The following SCAPER variants were observed in gnomAD, a reference collection of about 807,000 sequenced individuals.
SCAPER encodes the protein S phase cyclin A-associated protein in the endoplasmic reticulum.
SCAPER carries 98 observed loss-of-function variants against 182.2 expected under a neutral mutation model. The observed-to-expected ratio is 0.54, with a 90% CI of 0.46 to 0.64. The LOEUF (loss-of-function observed/expected upper bound fraction) is 0.64. Among genes scored for constraint, SCAPER ranks in the 30% least tolerant of loss-of-function variants. The pLI, the probability that SCAPER is intolerant of heterozygous loss-of-function variation, is 0.00. For missense variants in SCAPER, 1,432 were observed against 1,690.0 expected, an observed-to-expected ratio of 0.85 and a Z score of 2.68; for synonymous variants, 605 against 564.6, an observed-to-expected ratio of 1.07 and a Z score of -1.01.
chr15:76,467,103 G>C (rs157778), intron 25 of SCAPER, among the ~76,000 whole-genome samples: 18,529 of 152,080 alleles, frequency 0.12, 1,540 homozygotes, highest in African/African-American at 0.24. Context: ...AAATGTACCT[G>C]CTTCCCCTTT....
intron 15 of SCAPER, among the ~76,000 whole-genome samples, chr15:76,740,867 TA>T (rs2061504627): frequency 6.6e-6 from 1 of 152,026 alleles, no homozygotes; most frequent in Non-Finnish European, 1.5e-5. Flanking sequence ...AAGAGAAAAA[TA>T]ATAAAACTAT....
chr15:76,626,666 A>C (rs893679056), intron 21 of SCAPER, among the ~76,000 whole-genome samples: 16 of 152,224 alleles, frequency 1.1e-4, no homozygotes, highest in Admixed American at 3.9e-4. Flanking sequence ...GCAATAAGCC[A>C]AGATTACACC....
rs140421954 is a variant in SCAPER at position 76,785,285 on chromosome 15, T to C, written c.772+9995A>G. On this transcript the variant is annotated intron_variant, in intron 8 of 31. Transcript: ENST00000563290. Reference sequence around the variant, plus strand: ...CAACAGGCACATGAAGAAATGCTCATCATCACTGATCATCAGAGAAATGCA... The same window carrying C: ...CAACAGGCACATGAAGAAATGCTCACCATCACTGATCATCAGAGAAATGCA... Among the ~76,000 whole-genome samples, 606 of 152,294 alleles carry C rather than the reference T, an allele frequency of 4.0e-3. 5 individuals are homozygous for C. Among genetic ancestry groups the C allele is most frequent in the African/African-American group, 0.012 (517 of 41,568 alleles).
chr15:76,366,884 C>T (rs1158316619), intron 29 of SCAPER, among the ~76,000 whole-genome samples: 1 of 152,226 alleles, frequency 6.6e-6, no homozygotes, highest in Non-Finnish European at 1.5e-5. Context: ...CAGACTGATA[C>T]TCCAAAGTCC....
chr15:76,713,039 A>G (rs560037360), intron 17 of SCAPER, among the ~76,000 whole-genome samples: 29 of 152,190 alleles, frequency 1.9e-4, no homozygotes, highest in African/African-American at 6.7e-4. Flanking sequence ...GAATGCTTCC[A>G]GTTTTTGCCC....
chr15:76,371,479 TC>T (rs1023895065), intron 29 of SCAPER, among the ~76,000 whole-genome samples: 25 of 151,586 alleles, frequency 1.6e-4, no homozygotes, highest in African/African-American at 6.1e-4. Flanking sequence ...GCCACCACGC[TC>T]GGCTAATTTT....
At chr15:76,603,266 A>C (rs1416908544) in intron 22 of SCAPER, among the ~76,000 whole-genome samples, 1 of 118,344 alleles carries the variant, frequency 8.4e-6, no homozygotes, top group African/African-American at 2.6e-5. Context: ...ATTCCCACCT[A>C]TGAGCGAGAA....
intron 2 of SCAPER, among the ~76,000 whole-genome samples, chr15:76,875,357 T>C (rs1043890752): frequency 3.9e-5 from 6 of 152,204 alleles, no homozygotes; most frequent in African/African-American, 1.4e-4. Context: ...CACACAAACG[T>C]AGGCCAGGCG....
intron 3 of SCAPER, among the ~76,000 whole-genome samples, chr15:76,858,829 C>A (rs2071628326): frequency 6.6e-6 from 1 of 152,120 alleles, no homozygotes. Context: ...ACGTAGTAGT[C>A]CATGGTGTAT....
chr15:76,429,788 G>A (rs1038517028), intron 26 of SCAPER, among the ~76,000 whole-genome samples: 3 of 152,180 alleles, frequency 2.0e-5, no homozygotes, highest in Admixed American at 1.3e-4. Flanking sequence ...ATTTTCTGAG[G>A]AGATATTCAA....
chr15:76,508,544 C>T (rs2143937694), intron 23 of SCAPER, among the ~76,000 whole-genome samples: 1 of 152,314 alleles, frequency 6.6e-6, no homozygotes, highest in East Asian at 1.9e-4. Flanking sequence ...AGTTATTCCA[C>T]ATTCTCACTC....
chr15:76,698,345 C>G (rs1010131414), intron 20 of SCAPER, among the ~76,000 whole-genome samples: 9 of 152,116 alleles, frequency 5.9e-5, no homozygotes, highest in African/African-American at 2.2e-4. Context: ...AACTATATGT[C>G]AAGCATTATA....
chr15:76,716,612 T>A (rs1487253604), intron 17 of SCAPER, among the ~76,000 whole-genome samples: 1 of 151,696 alleles, frequency 6.6e-6, no homozygotes, highest in Admixed American at 6.6e-5. Context: ...AAAGGAGATA[T>A]CATTTAAAAA....
chr15:76,867,749 A>AT (rs2072401185), intron 2 of SCAPER, among the ~76,000 whole-genome samples: 3 of 152,192 alleles, frequency 2.0e-5, no homozygotes, highest in African/African-American at 7.2e-5. Flanking sequence ...AATTACTAAT[A>AT]CTGTATCAGC....
chr15:76,415,698 C>T (rs1436704980), intron 26 of SCAPER, among the ~76,000 whole-genome samples: 3 of 152,008 alleles, frequency 2.0e-5, no homozygotes, highest in East Asian at 1.9e-4. Flanking sequence ...GATAGATACA[C>T]ACACATACAC....
chr15:76,416,743 A>T (rs2142281723), intron 26 of SCAPER, among the ~76,000 whole-genome samples: 1 of 152,372 alleles, frequency 6.6e-6, no homozygotes, highest in East Asian at 1.9e-4. Context: ...AGAAGAGCAT[A>T]CAAAGATGTT....
chr15:76,428,094 A>C (rs1297920027), intron 26 of SCAPER, among the ~76,000 whole-genome samples: 1 of 152,074 alleles, frequency 6.6e-6, no homozygotes, highest in Non-Finnish European at 1.5e-5. Context: ...TGTCTCAAAA[A>C]ACAAAACAAA....
intron 5 of SCAPER, among the ~76,000 whole-genome samples, chr15:76,840,094 T>A (rs943196404): frequency 6.6e-6 from 1 of 152,130 alleles, no homozygotes; most frequent in Admixed American, 6.5e-5. Flanking sequence ...ACTCCAAGAA[T>A]ATGATTTTAC....
At chr15:76,644,156 T>C (rs2054344241) in intron 21 of SCAPER, among the ~76,000 whole-genome samples, 1 of 152,124 alleles carries the variant, frequency 6.6e-6, no homozygotes, top group African/African-American at 2.4e-5. Context: ...CGATCAAAAC[T>C]TTTTCATTCT....
Sources: gnomAD v4.1 joint callset for allele counts (sites outside exome capture counted in the v4.1 genomes callset) on GRCh38, gnomAD v4.1.1 for gene constraint, MANE v1.5 for transcripts, NCBI Gene and HGNC (gene_info 2026-07-23, HGNC 2026-07-21) for gene names.